The following TMEM232 variants were observed in gnomAD, a reference collection of about 807,000 sequenced individuals.
TMEM232 encodes transmembrane protein 232.
TMEM232 carries 80 observed loss-of-function variants against 78.8 expected under a neutral mutation model. That is an observed-to-expected ratio of 1.01 (90% CI 0.85 to 1.22). The LOEUF is 1.22. Among genes scored for constraint, TMEM232 ranks in the 50% most tolerant of loss-of-function variants. TMEM232 has a pLI of 0.00. For missense variants in TMEM232, 881 were observed against 742.2 expected (o/e 1.19, Z -2.17); for synonymous variants, 297 against 254.3 (o/e 1.17, Z -1.60).
chr5:110,485,937 G>A (rs373271763), intron 12 of TMEM232, among the ~76,000 whole-genome samples: 11 of 152,116 alleles, frequency 7.2e-5, no homozygotes, highest in East Asian at 3.9e-4. Flanking sequence ...CCACCTAGCC[G>A]TGTAGAAGTG....
chr5:110,422,731 G>GA (rs1756804365), intron 13 of TMEM232, among the ~76,000 whole-genome samples: 1 of 151,948 alleles, frequency 6.6e-6, no homozygotes, highest in African/African-American at 2.4e-5. Flanking sequence ...TGGAATGGCT[G>GA]AAATTCACCA....
chr5:110,409,045 T>C (rs149570329), intron 2 of TMEM232, among the ~76,000 whole-genome samples: 2 of 152,310 alleles, frequency 1.3e-5, no homozygotes, highest in African/African-American at 4.8e-5. Flanking sequence ...ATTGTAGCAA[T>C]AGCTAACCAA....
chr5:110,478,426 C>T (rs534414062), intron 12 of TMEM232, among the ~76,000 whole-genome samples: 26 of 151,922 alleles, frequency 1.7e-4, no homozygotes, highest in African/African-American at 6.0e-4. Flanking sequence ...TGGAGAATTG[C>T]GATAATTGTC....
At chr5:110,698,151 A>T (rs1007455026) in intron 1 of TMEM232, among the ~76,000 whole-genome samples, 1 of 152,106 alleles carries the variant, frequency 6.6e-6, no homozygotes. Context: ...CATGGATGAA[A>T]CTAGAAACCA....
chr5:110,667,629 T>C (rs978085929), intron 1 of TMEM232: 10 of 201,278 alleles, frequency 5.0e-5, no homozygotes, highest in Non-Finnish European at 5.9e-5. Flanking sequence ...AACAGCAGCA[T>C]GGCATGGTAG....
chr5:110,609,986 C>T (rs1402997144), intron 8 of TMEM232, among the ~76,000 whole-genome samples: 1 of 151,598 alleles, frequency 6.6e-6, no homozygotes, highest in African/African-American at 2.4e-5. Context: ...TTTAATAAAG[C>T]CCAGGAATAA....
intron 10 of TMEM232, among the ~76,000 whole-genome samples, chr5:110,603,831 A>T (rs1396515540): frequency 5.9e-5 from 9 of 152,170 alleles, no homozygotes; most frequent in African/African-American, 2.2e-4. Context: ...TTAAGCCAAA[A>T]ATATATTGAA....
intron 11 of TMEM232, among the ~76,000 whole-genome samples, chr5:110,532,720 C>G (rs140465316): frequency 6.3e-4 from 96 of 152,064 alleles, no homozygotes; most frequent in Non-Finnish European, 1.1e-3. Flanking sequence ...TGTATCCCCC[C>G]ACCTTAACAC....
chr5:110,493,657 C>T (rs1765343963), intron 12 of TMEM232, among the ~76,000 whole-genome samples: 1 of 151,966 alleles, frequency 6.6e-6, no homozygotes, highest in Non-Finnish European at 1.5e-5. Context: ...CTATGGAATG[C>T]CATGACTTCA....
chr5:110,546,100 T>C (rs1773746669), intron 11 of TMEM232, among the ~76,000 whole-genome samples: 1 of 152,090 alleles, frequency 6.6e-6, no homozygotes, highest in South Asian at 2.1e-4. Flanking sequence ...TGTTTTTCAT[T>C]TCAAATATGC....
At chr5:110,497,952 C>T (rs2149435698) in intron 12 of TMEM232, among the ~76,000 whole-genome samples, 1 of 152,086 alleles carries the variant, frequency 6.6e-6, no homozygotes, top group South Asian at 2.1e-4. Flanking sequence ...GAATATGCAG[C>T]CCTTGGATAT....
At chr5:110,482,777 T>C (rs527476647) in intron 12 of TMEM232, among the ~76,000 whole-genome samples, 5 of 151,246 alleles carry the variant, frequency 3.3e-5, no homozygotes, top group Non-Finnish European at 5.9e-5. Flanking sequence ...ACAAAACAAG[T>C]AGGTAGTGGG....
In TMEM232 at chr5:110,597,708, C is replaced by T. The variant is rs1215212644; in HGVS notation, c.1276+7401G>A. On this transcript the variant is annotated intron_variant, in intron 10 of 13. Coordinates refer to ENST00000455884, the MANE Select transcript of TMEM232 (RefSeq NM_001039763.4). ...AGAACAGAGCCCTCAGAAATAACAC[C>T]GCATATCTACAACTATCTGATCTTT... Among the ~76,000 whole-genome samples, 10 of 151,590 alleles carry T rather than the reference C, an allele frequency of 6.6e-5. No homozygotes were observed. In the South Asian group the frequency reaches 8.4e-4, roughly 13 times the overall value.
chr5:110,645,147 C>A (rs1787304514), intron 2 of TMEM232, among the ~76,000 whole-genome samples: 1 of 151,422 alleles, frequency 6.6e-6, no homozygotes, highest in African/African-American at 2.4e-5. Flanking sequence ...TTCAAGCAAA[C>A]ATTCAAAGAT....
rs1360042704 is a variant in TMEM232 at position 110,612,851 on chromosome 5, G to C, written c.902+5578C>G. On this transcript the variant is annotated intron_variant, in intron 8 of 13. Coordinates refer to ENST00000455884, the MANE Select transcript of TMEM232 (RefSeq NM_001039763.4). ...AACACAATTCATTATTTTCATGTTA[G>C]ATTAGAAAGTCTTTTGCGTTGACTT... Among the ~76,000 whole-genome samples the C allele has an allele frequency of 5.3e-5, 8 of 152,112 alleles. No individual in the cohort carries two copies. The East Asian group carries it at 1.3e-3, about 26-fold the overall frequency.
At chr5:110,718,366 T>C (rs1167260096) in intron 1 of TMEM232, among the ~76,000 whole-genome samples, 1 of 152,142 alleles carries the variant, frequency 6.6e-6, no homozygotes, top group East Asian at 1.9e-4. Flanking sequence ...AAATATTAAA[T>C]TGCAAAATTA....
At chr5:110,389,695 A>G (rs1755111469) in intron 4 of TMEM232, among the ~76,000 whole-genome samples, 1 of 152,200 alleles carries the variant, frequency 6.6e-6, no homozygotes. Context: ...TATACTGTAA[A>G]TTGAGCAAGA....
At chr5:110,590,776 A>T (rs1050950179) in intron 10 of TMEM232, among the ~76,000 whole-genome samples, 7 of 152,206 alleles carry the variant, frequency 4.6e-5, no homozygotes, top group Non-Finnish European at 1.0e-4. Context: ...ACAGTTCCAC[A>T]TGGCTAGGGA....
At chr5:110,585,079 T>C (rs1778652440) in intron 10 of TMEM232, among the ~76,000 whole-genome samples, 1 of 152,246 alleles carries the variant, frequency 6.6e-6, no homozygotes, top group African/African-American at 2.4e-5. Context: ...TCTTCAAATA[T>C]GTAAGGACGA....
Sources: gnomAD v4.1 joint callset for allele counts (sites outside exome capture counted in the v4.1 genomes callset) on GRCh38, gnomAD v4.1.1 for gene constraint, MANE v1.5 for transcripts, NCBI Gene and HGNC (gene_info 2026-07-23, HGNC 2026-07-21) for gene names.